Variants in DISP3 observed in about 807,000 individuals in gnomAD.
DISP3 encodes protein dispatched homolog 3.
In DISP3, 101 loss-of-function variants were observed where a neutral mutation model predicts 135.3. The ratio of observed to expected loss-of-function variants is 0.75; its 90% CI spans 0.64 to 0.88. DISP3 has a LOEUF of 0.88. Among genes scored for constraint, DISP3 ranks in the 40% least tolerant of loss-of-function variants. The pLI is 0.00. For synonymous variants in DISP3, 856 were observed against 817.0 expected (o/e 1.05, Z -0.81); for missense variants, 1,713 against 1,878.6 (o/e 0.91, Z 1.63).
In DISP3 at chr1:11,524,047, C is replaced by A. The variant is rs61744873; in HGVS notation, c.2468C>A (p.Thr823Asn). Reference sequence around the variant, plus strand: ...CCCTGGGCTAGCCGGCCTGAGGCCACCCTGCAGGGTGAGCACTGGGGGTGG... The same window carrying A: ...CCCTGGGCTAGCCGGCCTGAGGCCAACCTGCAGGGTGAGCACTGGGGGTGG... ...GVPWASRPEA[T>N]LQDFPGTVYI... The change falls in exon 11 of 21, where the codon ACC becomes AAC. Residue 823 changes from threonine to asparagine, a missense_variant. Transcript: ENST00000294484. 1.0e-3 allele frequency: 1,605 copies of A among 1,610,166 alleles called. 16 individuals are homozygous for A. In the African/African-American group the frequency reaches 0.02, roughly 20 times the overall value.
intron 6 of DISP3, among the ~76,000 whole-genome samples, chr1:11,517,155 C>T (rs1400703513): frequency 6.6e-6 from 1 of 152,192 alleles, no homozygotes; most frequent in Non-Finnish European, 1.5e-5. Context: ...CCCATTCATT[C>T]GCGTAATGAC....
intron 1 of DISP3, among the ~76,000 whole-genome samples, chr1:11,498,309 A>C (rs1641399069): frequency 6.6e-6 from 1 of 152,134 alleles, no homozygotes; most frequent in African/African-American, 2.4e-5. Context: ...TTACTCAATG[A>C]CCGGGGGCTG....
chr1:11,527,505 G>A (rs1226449678), intron 13 of DISP3, among the ~76,000 whole-genome samples: 2 of 150,266 alleles, frequency 1.3e-5, no homozygotes, highest in African/African-American at 4.9e-5. Context: ...CCGAGATCGC[G>A]CCTCTGCACT....
chr1:11,502,259 G>A (rs1641565459), intron 2 of DISP3, among the ~76,000 whole-genome samples, 171 bp downstream of exon 2: 2 of 152,224 alleles, frequency 1.3e-5, no homozygotes, highest in South Asian at 4.1e-4. Context: ...GGTGTGAGAT[G>A]AGCGTAAGAG....
intron 1 of DISP3, among the ~76,000 whole-genome samples, chr1:11,490,536 T>C (rs1641155354): frequency 6.6e-6 from 1 of 152,234 alleles, no homozygotes; most frequent in African/African-American, 2.4e-5. Flanking sequence ...CCCAAAGTGC[T>C]GGGATTACAG....
intron 3 of DISP3, among the ~76,000 whole-genome samples, chr1:11,509,761 T>C (rs1304836425): frequency 6.6e-6 from 1 of 152,210 alleles, no homozygotes; most frequent in Non-Finnish European, 1.5e-5. Context: ...TTTTATCCTA[T>C]TCGTGTCCTT....
intron 7 of DISP3, among the ~76,000 whole-genome samples, chr1:11,517,834 T>G (rs1403305141): frequency 3.3e-5 from 5 of 152,188 alleles, no homozygotes; most frequent in African/African-American, 4.8e-5. Flanking sequence ...CACCATTCAC[T>G]TCCCAAAGAA....
rs1294686960 is a variant in DISP3 at position 11,520,060 on chromosome 1, C to T, written c.2200+180C>T. ...GAAGCCGGTCATGGCGGCTGTTACTCATTGGCCCCTGCTGTGTGCCAGCCA... is the reference window on the plus strand; with the variant it reads ...GAAGCCGGTCATGGCGGCTGTTACTTATTGGCCCCTGCTGTGTGCCAGCCA... On this transcript the variant is annotated intron_variant, in intron 9 of 20. Transcript: ENST00000294484. This position sits in a 1 kb window ranked among gnomAD's most constrained non-coding sequence, Gnocchi z 4.8. 6.6e-6 allele frequency among the ~76,000 whole-genome samples: 1 copy of T among 152,216 alleles called. No homozygotes were observed. Among genetic ancestry groups the T allele is most frequent in the Non-Finnish European group, 1.5e-5 (1 of 68,040 alleles).
intron 17 of DISP3, chr1:11,533,876 T>A: frequency 1.4e-6 from 1 of 717,216 alleles, no homozygotes; most frequent in South Asian, 1.5e-5. Context: ...CTCTCGGGAC[T>A]GGGCACTGTG....
Position 11,501,349 on chromosome 1 carries a change from C to A in DISP3, c.357C>A (p.Phe119Leu), listed in dbSNP as rs1481083056. 6.2e-7 allele frequency: 1 copy of A among 1,613,268 alleles called. No individual in the cohort carries two copies. The highest frequency in any genetic ancestry group is 1.3e-5 in the African/African-American group (1 of 75,046). Residue 119 changes from phenylalanine (F) to leucine (L), a missense_variant, in exon 2 of 21, where the codon TTC (phenylalanine) becomes TTA (leucine). Physicochemically the swap from Phe to Leu is conservative, Grantham distance 22 (BLOSUM62 0). This residue lies in a region of DISP3 where 571 missense variants were observed against 494.1 expected (regional missense o/e 1.16). Coordinates refer to ENST00000294484, the MANE Select transcript of DISP3 (RefSeq NM_020780.2). The surrounding 1 kb of genome is among the most constrained non-coding windows in gnomAD (Gnocchi z 4.9). ...GCAACCACGAGGCCTCACAGCGTTT[C>A]GACGCTCTCACTCTGGCGCTTAAGT... ...EIRNHEASQR[F>L]DALTLALKSQ... is the part of the protein sequence containing the mutation.
chr1:11,532,916 G>A (rs1037823319), intron 17 of DISP3, among the ~76,000 whole-genome samples: 1 of 152,026 alleles, frequency 6.6e-6, no homozygotes, highest in Admixed American at 6.6e-5. Flanking sequence ...ATATTGGCCA[G>A]GCGGGTCTCG....
intron 1 of DISP3, among the ~76,000 whole-genome samples, chr1:11,490,312 G>C (rs1641149275): frequency 6.6e-6 from 1 of 152,134 alleles, no homozygotes; most frequent in Non-Finnish European, 1.5e-5. Flanking sequence ...TTGTTGCCCA[G>C]GCTAGAGTGC....
chr1:11,493,753 ACT>A lies in DISP3; in HGVS notation c.-3-7227_-3-7226del, dbSNP rs1214464429. ...AAAAAAAAATCTTATCTGGAAACAC[ACT>A]CTCTCTCTCACACACACACCCAGAA... On this transcript the variant is annotated intron_variant, in intron 1 of 20. Coordinates refer to ENST00000294484, the MANE Select transcript of DISP3 (RefSeq NM_020780.2). Among the ~76,000 whole-genome samples the A allele has an allele frequency of 2.6e-5, 4 of 151,660 alleles. No individual in the cohort carries two copies. The East Asian group carries it at 5.8e-4, about 22-fold the overall frequency.
chr1:11,506,549 C>A (rs1045070990), intron 3 of DISP3, among the ~76,000 whole-genome samples: 1 of 151,330 alleles, frequency 6.6e-6, no homozygotes, highest in Admixed American at 6.6e-5. Flanking sequence ...TGTTATTGTT[C>A]GGTTTTTCCT....
chr1:11,536,910 C>T lies in DISP3; in HGVS notation c.*224C>T. The T allele has an allele frequency of 3.2e-6, 2 of 634,466 alleles. No individual in the cohort carries two copies. The highest frequency in any genetic ancestry group is 1.8e-5 in the African/African-American group (1 of 54,278). 39.3% of individuals were successfully genotyped at this position (634,466 alleles called of 1,614,324 possible). ...CCACAGGCCGGGCTACTGGCAGCCA[C>T]ACTCGGCTTTTTGCCCAGTGGCAGA... On this transcript the variant is annotated 3_prime_UTR_variant, in exon 21 of 21. Transcript: ENST00000294484. The surrounding 1 kb of genome is among the most constrained non-coding windows in gnomAD (Gnocchi z 4.3).
intron 17 of DISP3, among the ~76,000 whole-genome samples, chr1:11,532,282 G>A (rs1468410135): frequency 2.0e-5 from 3 of 152,328 alleles, no homozygotes; most frequent in South Asian, 2.1e-4. Flanking sequence ...TGGCAAGTCC[G>A]TCCCTGCTGC....
At chr1:11,521,862 T>TCCAC in intron 10 of DISP3, among the ~76,000 whole-genome samples, 1 of 152,096 alleles carries the variant, frequency 6.6e-6, no homozygotes, top group South Asian at 2.1e-4. Context: ...TTATTCTGAT[T>TCCAC]GTCACTGGAA....
intron 1 of DISP3, among the ~76,000 whole-genome samples, chr1:11,487,346 G>A (rs1411230352): frequency 1.3e-5 from 2 of 152,184 alleles, no homozygotes; most frequent in Non-Finnish European, 2.9e-5. Flanking sequence ...ATGGAGAACG[G>A]GCAGCTACAT....
chr1:11,533,026 G>A (rs1343107776), intron 17 of DISP3, among the ~76,000 whole-genome samples: 4 of 151,932 alleles, frequency 2.6e-5, no homozygotes, highest in Non-Finnish European at 2.9e-5. Context: ...TTAAGCATAC[G>A]ACTCTGTGGC....
Sources: gnomAD v4.1 joint callset for allele counts (sites outside exome capture counted in the v4.1 genomes callset) on GRCh38, gnomAD v4.1.1 for gene constraint, gnomAD v4.1.1 regional missense constraint, Gnocchi (gnomAD v3.1) non-coding constraint, MANE v1.5 for transcripts, NCBI Gene and HGNC (gene_info 2026-07-23, HGNC 2026-07-21) for gene names.